Variants in FAM107B observed in about 807,000 individuals in gnomAD.
FAM107B encodes the protein family with sequence similarity 107 member B, also known as protein FAM107B.
A neutral mutation model predicts 31.5 loss-of-function variants in FAM107B; 21 were observed. The ratio of observed to expected loss-of-function variants is 0.67; its 90% CI spans 0.47 to 0.96. The LOEUF is 0.96. Ranked by LOEUF, FAM107B falls within the 40% of genes least tolerant of loss-of-function variation. The pLI, the probability that FAM107B is intolerant of heterozygous loss-of-function variation, is 0.00. For synonymous variants in FAM107B, 157 were observed against 141.5 expected, an observed-to-expected ratio of 1.11 and a Z score of -0.78; for missense variants, 452 against 377.1, an observed-to-expected ratio of 1.20 and a Z score of -1.64.
chr10:14,610,888 A>G (rs1852708126), intron 2 of FAM107B, among the ~76,000 whole-genome samples: 1 of 152,200 alleles, frequency 6.6e-6, no homozygotes, highest in Non-Finnish European at 1.5e-5. Flanking sequence ...GGAGAGTTTT[A>G]TTTTCCAAAC....
chr10:14,760,775 T>A (rs1353722975), intron 1 of FAM107B, among the ~76,000 whole-genome samples: 1 of 151,926 alleles, frequency 6.6e-6, no homozygotes, highest in Non-Finnish European at 1.5e-5. Flanking sequence ...TATATTACAG[T>A]TCCAGGTGGG....
At chr10:14,548,451 T>C (rs895359786) in intron 2 of FAM107B, 89 of 985,572 alleles carry the variant, frequency 9.0e-5, no homozygotes, top group Non-Finnish European at 1.1e-4. Context: ...TGGCTGCAAG[T>C]AGCTGGAAGC....
intron 2 of FAM107B, among the ~76,000 whole-genome samples, chr10:14,559,444 G>T (rs1369461482): frequency 2.0e-5 from 3 of 148,742 alleles, no homozygotes; most frequent in Non-Finnish European, 4.4e-5. Flanking sequence ...ATACCAGGGA[G>T]ATTTAAATCC....
chr10:14,524,641 A>G (rs1010049560), intron 3 of FAM107B, among the ~76,000 whole-genome samples: 1 of 152,250 alleles, frequency 6.6e-6, no homozygotes, highest in Non-Finnish European at 1.5e-5. Context: ...GCTGTTTTTA[A>G]GTAATCTGAA....
chr10:14,709,677 C>T (rs1445955533), intron 1 of FAM107B, among the ~76,000 whole-genome samples: 1 of 152,254 alleles, frequency 6.6e-6, no homozygotes, highest in East Asian at 1.9e-4. Context: ...ACCAAGATAT[C>T]CTTCAATAGG....
chr10:14,599,425 T>A (rs7079806), intron 2 of FAM107B, among the ~76,000 whole-genome samples: 91,818 of 152,008 alleles, frequency 0.6, 28,515 homozygotes, highest in Middle Eastern at 0.73. Context: ...CATTATTGTC[T>A]CCAACCCATG....
At chr10:14,689,033 T>C (rs1168994924) in intron 1 of FAM107B, among the ~76,000 whole-genome samples, 2 of 152,180 alleles carry the variant, frequency 1.3e-5, no homozygotes, top group African/African-American at 4.8e-5. Context: ...AAACATTGAC[T>C]GAGCATCTAC....
chr10:14,632,626 AAAG>A (rs1457684916), intron 2 of FAM107B, among the ~76,000 whole-genome samples: 1 of 151,848 alleles, frequency 6.6e-6, no homozygotes, highest in Non-Finnish European at 1.5e-5. Flanking sequence ...AAAAAAAAAA[AAAG>A]AGAATTCAGA....
intron 2 of FAM107B, among the ~76,000 whole-genome samples, chr10:14,656,531 T>C (rs146212046): frequency 2.5e-3 from 382 of 152,320 alleles, no homozygotes; most frequent in African/African-American, 8.9e-3. Flanking sequence ...TTCGGGTTCC[T>C]GGCATGCAAT....
chr10:14,770,888 T>A (rs570255232), intron 1 of FAM107B, among the ~76,000 whole-genome samples: 8 of 138,132 alleles, frequency 5.8e-5, no homozygotes, highest in African/African-American at 2.1e-4. Flanking sequence ...CCAATATAAA[T>A]GAGCCACCCT....
In FAM107B at chr10:14,645,579, C is replaced by A. The variant is rs576201792; in HGVS notation, c.469+22055G>T. On this transcript the variant is annotated intron_variant, in intron 2 of 4. Transcript: ENST00000181796. ...ACAGGACCCTGGAGAGACTCCTCAG[C>A]TTGTAGGGGGATGTGGCTGTTAAAG... Among the ~76,000 whole-genome samples the A allele has an allele frequency of 5.9e-5, 9 of 152,308 alleles. No individual in the cohort carries two copies. The South Asian group carries it at 1.7e-3, about 28-fold the overall frequency.
At chr10:14,767,850 C>G (rs1361376855) in intron 1 of FAM107B, among the ~76,000 whole-genome samples, 2 of 151,610 alleles carry the variant, frequency 1.3e-5, no homozygotes, top group Non-Finnish European at 2.9e-5. Flanking sequence ...AAATAAAAGG[C>G]ATCCAAATTG....
chr10:14,667,097 G>T (rs1002733135), intron 2 of FAM107B, among the ~76,000 whole-genome samples: 1 of 152,126 alleles, frequency 6.6e-6, no homozygotes, highest in African/African-American at 2.4e-5. Context: ...ATTTTATGAC[G>T]ATTACATCTC....
chr10:14,730,681 G>C (rs1191611528), intron 1 of FAM107B, among the ~76,000 whole-genome samples: 1 of 152,218 alleles, frequency 6.6e-6, no homozygotes, highest in Admixed American at 6.5e-5. Flanking sequence ...ATGGATTATA[G>C]GTGAGAAAGC....
chr10:14,737,704 G>C (rs1479993036), intron 1 of FAM107B, among the ~76,000 whole-genome samples: 1 of 151,582 alleles, frequency 6.6e-6, no homozygotes, highest in South Asian at 2.1e-4. Context: ...CCCCAATCGA[G>C]AGGTTTCCCT....
intron 1 of FAM107B, among the ~76,000 whole-genome samples, chr10:14,734,099 AAT>A (rs1316026780): frequency 1.3e-5 from 2 of 152,016 alleles, no homozygotes; most frequent in African/African-American, 4.8e-5. Context: ...TTTAAAAAAA[AAT>A]ATATACAACT....
At chr10:14,736,816 G>A (rs1856310229) in intron 1 of FAM107B, among the ~76,000 whole-genome samples, 1 of 152,210 alleles carries the variant, frequency 6.6e-6, no homozygotes, top group Admixed American at 6.5e-5. Context: ...TCTAAAAATA[G>A]ATTCTCAATG....
intron 1 of FAM107B, among the ~76,000 whole-genome samples, chr10:14,747,342 ATGTGT>A (rs1832746119): frequency 6.6e-6 from 1 of 151,962 alleles, no homozygotes; most frequent in Middle Eastern, 3.2e-3. Flanking sequence ...CTTGTTGGAG[ATGTGT>A]TGTGATCATT....
At chr10:14,528,173 GGTT>G in intron 3 of FAM107B, 1 of 78,606 alleles carries the variant, frequency 1.3e-5, no homozygotes, top group Non-Finnish European at 2.4e-5. Flanking sequence ...TTTAAGTTTT[GGTT>G]TTTTTTTTTT....
Sources: gnomAD v4.1 joint callset for allele counts (sites outside exome capture counted in the v4.1 genomes callset) on GRCh38, gnomAD v4.1.1 for gene constraint, MANE v1.5 for transcripts, NCBI Gene and HGNC (gene_info 2026-07-23, HGNC 2026-07-21) for gene names.